LDLRAP1: variants seen among roughly 807,000 people sequenced by gnomAD.
The protein encoded by LDLRAP1 is low density lipoprotein receptor adapter protein 1.
LDLRAP1 carries 30 observed loss-of-function variants against 37.8 expected under a neutral mutation model. The observed-to-expected ratio is 0.79, with a 90% CI of 0.59 to 1.08. The LOEUF is 1.08. Ranked by LOEUF, LDLRAP1 falls within the 50% of genes least tolerant of loss-of-function variation. LDLRAP1 has a pLI of 0.00. For missense variants in LDLRAP1, 375 were observed against 401.6 expected, an observed-to-expected ratio of 0.93 and a Z score of 0.57; for synonymous variants, 156 against 169.8, an observed-to-expected ratio of 0.92 and a Z score of 0.63.
chr1:25,565,809 T>TC (rs1284190357), intron 8 of LDLRAP1, among the ~76,000 whole-genome samples: 1 of 152,112 alleles, frequency 6.6e-6, no homozygotes, highest in Non-Finnish European at 1.5e-5. Flanking sequence ...GAGCCCTGGG[T>TC]CCCCGTCTGT....
chr1:25,577,969 A>G, the LDLRAP1 span, among the ~76,000 whole-genome samples: 1 of 152,178 alleles, frequency 6.6e-6, no homozygotes. Flanking sequence ...TCAGTTACAC[A>G]GGTCGGGAGC....
intron 4 of LDLRAP1, among the ~76,000 whole-genome samples, chr1:25,561,058 A>G (rs1259785549): frequency 1.3e-5 from 2 of 152,282 alleles, no homozygotes; most frequent in African/African-American, 4.8e-5. Flanking sequence ...TTATGCAACT[A>G]CAGTCTAAGC....
chr1:25,583,824 T>C, the LDLRAP1 span, among the ~76,000 whole-genome samples: 12 of 152,260 alleles, frequency 7.9e-5, no homozygotes, highest in South Asian at 2.3e-3. Flanking sequence ...CAACCACTAA[T>C]CTGCTTTCTG....
the LDLRAP1 span, among the ~76,000 whole-genome samples, chr1:25,589,869 G>A: frequency 5.9e-5 from 9 of 152,342 alleles, no homozygotes; most frequent in Non-Finnish European, 5.9e-5. Context: ...TTGGGAGGCC[G>A]AGGCGAGCGG....
Position 25,555,726 on chromosome 1 carries a change from T to G in LDLRAP1, c.344+754T>G, listed in dbSNP as rs2044182058. On this transcript the variant is annotated intron_variant, in intron 3 of 8. Coordinates refer to ENST00000374338, the MANE Select transcript of LDLRAP1 (RefSeq NM_015627.3). This position sits in a 1 kb window ranked among gnomAD's most constrained non-coding sequence, Gnocchi z 4.7. Reference sequence around the variant, plus strand: ...AGGCCAGTAGTAGGGTCAGTAGATGTGTGTTGTGGGGGTCTGGCTGATGTC... The same window carrying G: ...AGGCCAGTAGTAGGGTCAGTAGATGGGTGTTGTGGGGGTCTGGCTGATGTC... Among the ~76,000 whole-genome samples the G allele has an allele frequency of 6.6e-6, 1 of 152,112 alleles. No homozygotes were observed. The highest frequency in any genetic ancestry group is 6.5e-5 in the Admixed American group (1 of 15,272).
downstream of LDLRAP1, among the ~76,000 whole-genome samples, chr1:25,573,685 C>G (rs143443973): frequency 6.6e-6 from 1 of 152,274 alleles, no homozygotes; most frequent in Non-Finnish European, 1.5e-5. Context: ...GGAGCTATGC[C>G]GAGGCTTTGC....
At chr1:25,572,075 G>A (rs1397580613), downstream of LDLRAP1, among the ~76,000 whole-genome samples, 2 of 152,184 alleles carry the variant, frequency 1.3e-5, no homozygotes, top group Non-Finnish European at 2.9e-5. Flanking sequence ...TTAGAAGAGG[G>A]GCATATTCCT....
In LDLRAP1 at chr1:25,555,819, C is replaced by T. The variant is rs1572036852; in HGVS notation, c.344+847C>T. ...CAGTTTCAGATACCTATTCTGCCAACGTCTGTGCCAGATGAGGACTCCAAT... is the reference window on the plus strand; with the variant it reads ...CAGTTTCAGATACCTATTCTGCCAATGTCTGTGCCAGATGAGGACTCCAAT... On this transcript the variant is annotated intron_variant, in intron 3 of 8. Transcript: ENST00000374338. This position sits in a 1 kb window ranked among gnomAD's most constrained non-coding sequence, Gnocchi z 4.7. Among the ~76,000 whole-genome samples, 4 of 152,188 alleles carry T rather than the reference C, an allele frequency of 2.6e-5. No individual in the cohort carries two copies. The highest frequency in any genetic ancestry group is 7.2e-5 in the African/African-American group (3 of 41,438).
chr1:25,587,109 C>A, the LDLRAP1 span, among the ~76,000 whole-genome samples: 1 of 152,118 alleles, frequency 6.6e-6, no homozygotes, highest in South Asian at 2.1e-4. Context: ...AACCTTGACT[C>A]CGATCAGAAA....
chr1:25,566,995 G>T lies in LDLRAP1; in HGVS notation c.*3G>T. The T allele has an allele frequency of 1.2e-6, 2 of 1,613,262 alleles. No homozygotes were observed. The highest frequency in any genetic ancestry group is 8.5e-7 in the Non-Finnish European group (1 of 1,180,022). ...AGGATGACCTCTTCAGCTTCTGAGG[G>T]CCCGGGGCCAGCCGGACACAAGCGG... On this transcript the variant is annotated 3_prime_UTR_variant, in exon 9 of 9. Coordinates refer to ENST00000374338, the MANE Select transcript of LDLRAP1 (RefSeq NM_015627.3).
chr1:25,589,914 A>G, the LDLRAP1 span, among the ~76,000 whole-genome samples: 2 of 152,258 alleles, frequency 1.3e-5, no homozygotes, highest in African/African-American at 4.8e-5. Context: ...CATCCTGGCC[A>G]ACATGGTGAA....
chr1:25,564,576 G>T (rs527243777), intron 7 of LDLRAP1: 2 of 154,820 alleles, frequency 1.3e-5, no homozygotes, highest in South Asian at 2.0e-4. Flanking sequence ...GGTACTGGGG[G>T]CTCCCCTGGT....
At chr1:25,545,270 G>C (rs1572017465) in intron 1 of LDLRAP1, among the ~76,000 whole-genome samples, 1 of 152,200 alleles carries the variant, frequency 6.6e-6, no homozygotes, top group Non-Finnish European at 1.5e-5. Context: ...TTTGAAGGAA[G>C]GGGGGCTGGC....
chr1:25,560,474 A>G (rs1422160500), intron 4 of LDLRAP1, among the ~76,000 whole-genome samples: 6 of 152,102 alleles, frequency 3.9e-5, no homozygotes, highest in Non-Finnish European at 8.8e-5. Context: ...AATCCCTTCC[A>G]TCTGCCCAAC....
the LDLRAP1 span, among the ~76,000 whole-genome samples, chr1:25,578,000 G>C: frequency 3.3e-5 from 5 of 152,324 alleles, no homozygotes; most frequent in Middle Eastern, 3.4e-3. Context: ...TCTGGGCTGG[G>C]GACGTAGCTC....
At chr1:25,557,386 G>T (rs1031372720) in intron 4 of LDLRAP1, 119 bp downstream of exon 4, 1 of 791,952 alleles carries the variant, frequency 1.3e-6, no homozygotes, top group Non-Finnish European at 2.1e-6. Context: ...TAAGAAGAGG[G>T]TGAAATCTCT....
chr1:25,569,997 G>A (rs2044581546), downstream of LDLRAP1, among the ~76,000 whole-genome samples: 1 of 152,236 alleles, frequency 6.6e-6, no homozygotes, highest in South Asian at 2.1e-4. Context: ...GGTTCTTTCA[G>A]CCACTCTCCG....
chr1:25,582,445 C>G, the LDLRAP1 span, among the ~76,000 whole-genome samples: 7 of 150,734 alleles, frequency 4.6e-5, no homozygotes, highest in Admixed American at 6.6e-5. Flanking sequence ...CTTAGCTGGG[C>G]ATGGTGGCAT....
chr1:25,569,447 G>T (rs965608398), downstream of LDLRAP1, among the ~76,000 whole-genome samples: 2 of 152,126 alleles, frequency 1.3e-5, no homozygotes, highest in Non-Finnish European at 2.9e-5. Context: ...TCAGGGTCTA[G>T]CCCTAGCTCT....
Sources: gnomAD v4.1 joint callset for allele counts (sites outside exome capture counted in the v4.1 genomes callset) on GRCh38, gnomAD v4.1.1 for gene constraint, Gnocchi (gnomAD v3.1) non-coding constraint, MANE v1.5 for transcripts, NCBI Gene and HGNC (gene_info 2026-07-23, HGNC 2026-07-21) for gene names.